Variants in PNOC observed in about 807,000 individuals in gnomAD.
The protein encoded by PNOC is prepronociceptin, also known as nociceptin.
In PNOC, 10 loss-of-function variants were observed where a neutral mutation model predicts 15.6. The observed-to-expected ratio is 0.64, with a 90% CI of 0.40 to 1.09. PNOC has a LOEUF of 1.09. PNOC is among the 50% of genes least tolerant of loss of function. The pLI is 0.01. For synonymous variants in PNOC, 98 were observed against 88.5 expected (o/e 1.11, Z -0.60); for missense variants, 220 against 223.9 (o/e 0.98, Z 0.11).
intron 1 of PNOC, among the ~76,000 whole-genome samples, chr8:28,321,055 T>C (rs541224558): frequency 6.6e-6 from 1 of 152,158 alleles, no homozygotes; most frequent in African/African-American, 2.4e-5. Context: ...TGTTGTTGTT[T>C]ACAGACAGGG....
chr8:28,333,466 C>A (rs902776420), intron 2 of PNOC, among the ~76,000 whole-genome samples: 5 of 152,182 alleles, frequency 3.3e-5, no homozygotes, highest in African/African-American at 1.2e-4. Context: ...CTGGTGAGTT[C>A]CCCGCACCAG....
intron 1 of PNOC, among the ~76,000 whole-genome samples, chr8:28,318,524 T>C (rs1801095885): frequency 6.6e-6 from 1 of 152,252 alleles, no homozygotes. Context: ...AAGCAAATAC[T>C]GCTCTTTTTC....
intron 2 of PNOC, among the ~76,000 whole-genome samples, chr8:28,338,447 G>A (rs757109156): frequency 3.3e-5 from 5 of 152,090 alleles, no homozygotes; most frequent in Admixed American, 6.5e-5. Context: ...ACGTCCAGCC[G>A]GCCTACCACC....
chr8:28,339,005 T>A, intron 2 of PNOC, 35 bp from the exon 3 acceptor site: 1 of 1,527,874 alleles, frequency 6.5e-7, no homozygotes, highest in Non-Finnish European at 8.9e-7. Flanking sequence ...GAGGTCCTTG[T>A]TCCTTCTCCC....
At chr8:28,320,021 C>T (rs892806093) in intron 1 of PNOC, among the ~76,000 whole-genome samples, 1 of 142,538 alleles carries the variant, frequency 7.0e-6, no homozygotes, top group African/African-American at 2.5e-5. Flanking sequence ...GGATAGGCTA[C>T]AATTAGTTTC....
intron 1 of PNOC, among the ~76,000 whole-genome samples, chr8:28,324,560 CT>C (rs533667020): frequency 6.6e-6 from 1 of 152,154 alleles, no homozygotes; most frequent in Non-Finnish European, 1.5e-5. Flanking sequence ...AAGACGGAAA[CT>C]TAGTAGAATG....
intron 1 of PNOC, among the ~76,000 whole-genome samples, chr8:28,325,858 C>A (rs1801217291): frequency 1.3e-5 from 2 of 151,976 alleles, no homozygotes; most frequent in Admixed American, 1.3e-4. Flanking sequence ...AAGGTGACAT[C>A]ATCAGATTGG....
chr8:28,339,439 G>T lies in PNOC; in HGVS notation c.526G>T (p.Val176Leu). ...GCGCACCCTGCACCAGAATGGTAAT[G>T]TGTAGCCGGAAGGGGCGCTCCTCCC... Reference protein sequence around the residue: ...RRRTLHQNGNV With the variant: ...RRRTLHQNGNL The change falls in exon 3 of 4, where the codon GTG becomes TTG. Residue 176 changes from valine (V) to leucine (L), a missense_variant. Val to Leu is a conservative substitution (Grantham distance 32). Coordinates refer to ENST00000301908, the MANE Select transcript of PNOC (RefSeq NM_006228.5). 6.5e-7 allele frequency: 1 copy of T among 1,527,938 alleles called. No homozygotes were observed. The highest frequency in any genetic ancestry group is 8.8e-7 in the Non-Finnish European group (1 of 1,134,416). The allele number at this position is 1,527,938 out of a possible 1,614,324, so 94.6% of individuals were successfully genotyped here. A position where few individuals can be genotyped will look rare whatever the true frequency, so the allele number is the denominator to read the frequency against.
intron 2 of PNOC, among the ~76,000 whole-genome samples, chr8:28,338,251 G>A (rs534165315): frequency 6.6e-6 from 1 of 152,272 alleles, no homozygotes; most frequent in African/African-American, 2.4e-5. Context: ...TGGGAGGTGG[G>A]GGGCCAAGGT....
rs892647143 is a variant in PNOC at position 28,328,999 on chromosome 8, A to C, written c.-23-136A>C. ...TGACAATTTACACCCCTGCAAAGTG[A>C]ATCACAGGCCCCTAGTGCCATCCTG... is the stretch of plus-strand genomic sequence containing the variant. On this transcript the variant is annotated intron_variant, in intron 1 of 3. Coordinates refer to ENST00000301908, the MANE Select transcript of PNOC (RefSeq NM_006228.5). 1.6e-5 allele frequency: 13 copies of C among 818,432 alleles called. No homozygotes were observed. In the African/African-American group the frequency reaches 2.0e-4, roughly 13 times the overall value. The allele number at this position is 818,432 out of a possible 1,614,324, so 50.7% of individuals were successfully genotyped here. A position where few individuals can be genotyped will look rare whatever the true frequency, so the allele number is the denominator to read the frequency against.
chr8:28,331,870 C>T (rs2722931), intron 2 of PNOC, among the ~76,000 whole-genome samples: 49,808 of 152,174 alleles, frequency 0.33, 10,010 homozygotes, highest in Non-Finnish European at 0.46. Flanking sequence ...CAGCACTCAG[C>T]ACAGTGTGTG....
At chr8:28,319,973 C>T (rs1585823391) in intron 1 of PNOC, among the ~76,000 whole-genome samples, 1 of 151,760 alleles carries the variant, frequency 6.6e-6, no homozygotes, top group South Asian at 2.1e-4. Flanking sequence ...TGGAGCACAT[C>T]GATTTCAGGG....
chr8:28,327,697 G>A (rs1039860913), intron 1 of PNOC, among the ~76,000 whole-genome samples: 5 of 151,636 alleles, frequency 3.3e-5, no homozygotes, highest in African/African-American at 9.7e-5. Flanking sequence ...TGTATTTTTA[G>A]TAGAGATGGG....
At chr8:28,325,413 G>T (rs1801208556) in intron 1 of PNOC, among the ~76,000 whole-genome samples, 1 of 152,062 alleles carries the variant, frequency 6.6e-6, no homozygotes, top group South Asian at 2.1e-4. Context: ...CAGCACTTTG[G>T]GAGGCCGAGG....
intron 2 of PNOC, among the ~76,000 whole-genome samples, chr8:28,332,600 G>C (rs1801345203): frequency 6.6e-6 from 1 of 152,148 alleles, no homozygotes; most frequent in African/African-American, 2.4e-5. Flanking sequence ...AGTTGTTTTA[G>C]AGACAAAAAT....
At chr8:28,338,132 C>T (rs1398611393) in intron 2 of PNOC, among the ~76,000 whole-genome samples, 1 of 152,142 alleles carries the variant, frequency 6.6e-6, no homozygotes, top group African/African-American at 2.4e-5. Flanking sequence ...GGTTTCCAGC[C>T]GGCTAAGGCC....
chr8:28,340,990 C>A (rs1213965675), intron 3 of PNOC, among the ~76,000 whole-genome samples: 2 of 152,340 alleles, frequency 1.3e-5, no homozygotes, highest in East Asian at 3.9e-4. Flanking sequence ...ATTGTCCTAA[C>A]ACAAAGAACC....
intron 3 of PNOC, among the ~76,000 whole-genome samples, chr8:28,341,540 T>C (rs1483243343): frequency 6.6e-6 from 1 of 152,252 alleles, no homozygotes; most frequent in East Asian, 1.9e-4. Flanking sequence ...CAATGTTCTT[T>C]ACCTAAACAC....
chr8:28,337,976 G>T (rs927739914), intron 2 of PNOC, among the ~76,000 whole-genome samples: 2 of 152,176 alleles, frequency 1.3e-5, no homozygotes, highest in Non-Finnish European at 2.9e-5. Flanking sequence ...ATAAAACAGT[G>T]TTCTGTGCAT....
Sources: gnomAD v4.1 joint callset for allele counts (sites outside exome capture counted in the v4.1 genomes callset) on GRCh38, gnomAD v4.1.1 for gene constraint, MANE v1.5 for transcripts, NCBI Gene and HGNC (gene_info 2026-07-23, HGNC 2026-07-21) for gene names.